CNTNAP2: variants seen among roughly 807,000 people sequenced by gnomAD.
The protein encoded by CNTNAP2 is contactin associated protein 2, also known as contactin-associated protein-like 2.
A neutral mutation model predicts 155.2 loss-of-function variants in CNTNAP2; 98 were observed. That is an observed-to-expected ratio of 0.63 (90% CI 0.54 to 0.75). CNTNAP2 has a LOEUF of 0.75. CNTNAP2 is among the 30% of genes least tolerant of loss of function. CNTNAP2 has a pLI of 0.00. For missense variants in CNTNAP2, 1,727 were observed against 1,688.1 expected, an observed-to-expected ratio of 1.02 and a Z score of -0.40; for synonymous variants, 651 against 631.2, an observed-to-expected ratio of 1.03 and a Z score of -0.47.
chr7:146,775,153 C>A lies in CNTNAP2; in HGVS notation c.208+772C>A, dbSNP rs531191039. ...CAGGAATGGTGGTGGTTGACAGGGGCTTCGGTGGAGAGGGAGAAAAAATTG... is the reference window on the plus strand; with the variant it reads ...CAGGAATGGTGGTGGTTGACAGGGGATTCGGTGGAGAGGGAGAAAAAATTG... On this transcript the variant is annotated intron_variant, in intron 2 of 23. Transcript: ENST00000361727. Among the ~76,000 whole-genome samples, 191 of 152,140 alleles carry A rather than the reference C, an allele frequency of 1.3e-3. 1 individual carries two copies. Among genetic ancestry groups the A allele is most frequent in the African/African-American group, 4.4e-3 (181 of 41,526 alleles).
At chr7:147,496,126 G>T (rs1798703715) in intron 11 of CNTNAP2, among the ~76,000 whole-genome samples, 2 of 152,254 alleles carry the variant, frequency 1.3e-5, no homozygotes, top group South Asian at 4.1e-4. Flanking sequence ...TTACATTATG[G>T]TGAGTTGTAT....
At chr7:148,263,504 C>T (rs933188998) in intron 20 of CNTNAP2, among the ~76,000 whole-genome samples, 1 of 151,838 alleles carries the variant, frequency 6.6e-6, no homozygotes, top group Admixed American at 6.6e-5. Flanking sequence ...TTTGGGAGGC[C>T]GAGGTGGGCG....
intron 1 of CNTNAP2, among the ~76,000 whole-genome samples, chr7:146,459,995 C>T (rs1250758683): frequency 6.6e-6 from 1 of 151,712 alleles, no homozygotes; most frequent in Admixed American, 6.6e-5. Flanking sequence ...CAAAACAAAA[C>T]AGAAAACAGG....
chr7:146,925,525 T>C (rs772295821), intron 3 of CNTNAP2, among the ~76,000 whole-genome samples: 3 of 152,122 alleles, frequency 2.0e-5, no homozygotes, highest in Admixed American at 2.0e-4. Context: ...GTTAATTATG[T>C]TGTTATGTTA....
intron 13 of CNTNAP2, among the ~76,000 whole-genome samples, chr7:147,736,026 A>G (rs897881313): frequency 7.0e-6 from 1 of 142,724 alleles, no homozygotes; most frequent in Non-Finnish European, 1.6e-5. Flanking sequence ...TTTACATTTA[A>G]GGTTTATATT....
intron 21 of CNTNAP2, among the ~76,000 whole-genome samples, chr7:148,270,373 A>C (rs902116761): frequency 6.6e-6 from 1 of 152,236 alleles, no homozygotes; most frequent in Non-Finnish European, 1.5e-5. Flanking sequence ...GTACACATAA[A>C]TACCTGTAAG....
At chr7:147,022,149 C>T (rs1035647536) in intron 3 of CNTNAP2, among the ~76,000 whole-genome samples, 2 of 152,026 alleles carry the variant, frequency 1.3e-5, no homozygotes, top group Non-Finnish European at 2.9e-5. Flanking sequence ...AACAGTATCT[C>T]ATAGAAACAC....
At chr7:147,753,997 G>A (rs1012913195) in intron 13 of CNTNAP2, among the ~76,000 whole-genome samples, 8 of 152,022 alleles carry the variant, frequency 5.3e-5, no homozygotes, top group African/African-American at 1.7e-4. Context: ...TGAAAGCATT[G>A]GCAACCCTGC....
At chr7:146,884,811 A>G (rs1437018555) in intron 3 of CNTNAP2, among the ~76,000 whole-genome samples, 1 of 152,172 alleles carries the variant, frequency 6.6e-6, no homozygotes, top group Non-Finnish European at 1.5e-5. Flanking sequence ...TGTAAATGAT[A>G]GGCTGCTACT....
Position 148,155,191 on chromosome 7 carries a change from T to G in CNTNAP2, c.2773+7482T>G, listed in dbSNP as rs188802855. On this transcript the variant is annotated intron_variant, in intron 17 of 23. Coordinates refer to ENST00000361727, the MANE Select transcript of CNTNAP2 (RefSeq NM_014141.6). ...AGTTGACTTACCGAAGGTCGTGCAT[T>G]TAGGAAGAGACAGAGATGGGATTTG... is the stretch of plus-strand genomic sequence containing the variant. 4.6e-4 allele frequency among the ~76,000 whole-genome samples: 70 copies of G among 152,274 alleles called. 2 individuals are homozygous for G. The highest frequency in any genetic ancestry group is 4.5e-3 in the Admixed American group (69 of 15,286).
chr7:148,145,583 C>A (rs893044607), intron 16 of CNTNAP2, among the ~76,000 whole-genome samples: 5 of 152,142 alleles, frequency 3.3e-5, no homozygotes, highest in South Asian at 4.1e-4. Flanking sequence ...AGCCCAGGAA[C>A]CCTCGTTCTC....
intron 13 of CNTNAP2, among the ~76,000 whole-genome samples, chr7:147,660,396 T>C (rs983931569): frequency 6.6e-6 from 1 of 152,194 alleles, no homozygotes; most frequent in Non-Finnish European, 1.5e-5. Context: ...GGTCTACATA[T>C]CTTTCCCTTC....
chr7:148,323,665 T>C (rs1797839257), intron 21 of CNTNAP2, among the ~76,000 whole-genome samples: 1 of 152,162 alleles, frequency 6.6e-6, no homozygotes, highest in South Asian at 2.1e-4. Flanking sequence ...TCCACTTTAC[T>C]AAAATCTAAT....
At chr7:148,123,342 C>G (rs184391653) in intron 16 of CNTNAP2, among the ~76,000 whole-genome samples, 5 of 152,270 alleles carry the variant, frequency 3.3e-5, no homozygotes, top group Admixed American at 6.5e-5. Flanking sequence ...CATCCCAGCA[C>G]TTTAGGAGGC....
chr7:148,018,970 A>G (rs982228465), intron 15 of CNTNAP2, among the ~76,000 whole-genome samples: 2 of 152,216 alleles, frequency 1.3e-5, no homozygotes, highest in African/African-American at 4.8e-5. Flanking sequence ...CCAAACATAG[A>G]GTTGTGTGAA....
chr7:146,548,761 C>A, intron 1 of CNTNAP2, among the ~76,000 whole-genome samples: 1 of 144,680 alleles, frequency 6.9e-6, no homozygotes, highest in Non-Finnish European at 1.5e-5. Context: ...AATCCCTTAT[C>A]AGATATAAGA....
At chr7:147,696,202 A>C (rs1165322978) in intron 13 of CNTNAP2, among the ~76,000 whole-genome samples, 1 of 152,190 alleles carries the variant, frequency 6.6e-6, no homozygotes, top group Non-Finnish European at 1.5e-5. Context: ...AGTTCAATTA[A>C]TATCTATAAT....
intron 8 of CNTNAP2, among the ~76,000 whole-genome samples, chr7:147,269,211 A>G (rs932143478): frequency 1.3e-5 from 2 of 152,166 alleles, no homozygotes; most frequent in African/African-American, 4.8e-5. Context: ...TGTGTATATG[A>G]CCATAAGATA....
At chr7:146,867,499 A>G (rs1268734350) in intron 3 of CNTNAP2, among the ~76,000 whole-genome samples, 3 of 152,092 alleles carry the variant, frequency 2.0e-5, no homozygotes, top group Admixed American at 6.6e-5. Context: ...ATGTGTCTTT[A>G]TGGTAGAATG....
Sources: allele counts gnomAD v4.1 joint callset (sites outside exome capture counted in the v4.1 genomes callset), GRCh38; gene constraint gnomAD v4.1.1; transcripts MANE v1.5; gene names NCBI Gene and HGNC (gene_info 2026-07-23, HGNC 2026-07-21).